Variants in NSD2 observed in about 807,000 individuals in gnomAD.
The protein encoded by NSD2 is histone-lysine N-methyltransferase NSD2.
Under a neutral mutation model 139.0 loss-of-function variants are expected in NSD2, and 12 were observed. The ratio of observed to expected loss-of-function variants is 0.09; its 90% CI spans 0.06 to 0.14. NSD2 has a LOEUF of 0.14. Among genes scored for constraint, NSD2 ranks in the 10% least tolerant of loss-of-function variants. The pLI, the probability that NSD2 is intolerant of heterozygous loss-of-function variation, is 1.00. For missense variants in NSD2, 1,155 were observed against 1,745.0 expected, an observed-to-expected ratio of 0.66 and a Z score of 6.02; for synonymous variants, 669 against 648.7, an observed-to-expected ratio of 1.03 and a Z score of -0.48.
intron 5 of NSD2, among the ~76,000 whole-genome samples, chr4:1,924,574 A>G (rs1168419993): frequency 1.3e-5 from 2 of 152,154 alleles, no homozygotes; most frequent in South Asian, 2.1e-4. Context: ...GATTGGCACT[A>G]TACTAAAAGT....
At chr4:1,878,423 AATT>A (rs1198894659) in intron 1 of NSD2, among the ~76,000 whole-genome samples, 1 of 151,552 alleles carries the variant, frequency 6.6e-6, no homozygotes, top group African/African-American at 2.4e-5. Context: ...AACTTTTTTT[AATT>A]ATTCTGTTGC....
At chr4:1,927,389 C>T (rs1200751983) in intron 5 of NSD2, among the ~76,000 whole-genome samples, 9 of 152,044 alleles carry the variant, frequency 5.9e-5, no homozygotes, top group Non-Finnish European at 4.4e-5. Context: ...AAACATTCTT[C>T]GCTGAATCCT....
In NSD2 at chr4:1,980,600, G is replaced by C. The variant is rs1727659971; in HGVS notation, c.*1691G>C. ...GTGGTTTTGTGACCTGTAAGCGTGG[G>C]GTTCAGGGGTGTGTGGCCCTGCAGG... On this transcript the variant is annotated 3_prime_UTR_variant, in exon 22 of 22. Transcript: ENST00000508803. 4.3e-6 allele frequency: 1 copy of C among 233,030 alleles called. No homozygotes were observed. Among genetic ancestry groups the C allele is most frequent in the South Asian group, 1.8e-4 (1 of 5,528 alleles). 14.4% of individuals were successfully genotyped at this position (233,030 alleles called of 1,614,324 possible).
Position 1,978,648 on chromosome 4 carries a change from A to T in NSD2, c.3837A>T (p.Glu1279Asp). The T allele has an allele frequency of 6.2e-7, 1 of 1,607,620 alleles. No individual in the cohort carries two copies. Among genetic ancestry groups the T allele is most frequent in the Non-Finnish European group, 8.5e-7 (1 of 1,175,026 alleles). The change falls in exon 22 of 22, where the codon GAA (glutamate) becomes GAT (aspartate). Residue 1279 changes from glutamate to aspartate, a missense_variant. Coordinates refer to ENST00000508803, the MANE Select transcript of NSD2 (RefSeq NM_001042424.3). Reference sequence around the variant, plus strand: ...TGTGTTCTGTTGCAGGGAAGTGGGAATGTCCTTGGCATCATTGTGACGTGT... The same window carrying T: ...TGTGTTCTGTTGCAGGGAAGTGGGATTGTCCTTGGCATCATTGTGACGTGT... ...GLGKRPFGKW[E>D]CPWHHCDVCG...
intron 18 of NSD2, among the ~76,000 whole-genome samples, chr4:1,967,506 A>AG (rs1236857973): frequency 2.0e-5 from 3 of 151,864 alleles, no homozygotes; most frequent in Non-Finnish European, 2.9e-5. Context: ...TGAACCTGGG[A>AG]GGCAGAGGTT....
chr4:1,911,235 G>T (rs1718617461), intron 3 of NSD2, among the ~76,000 whole-genome samples: 1 of 152,156 alleles, frequency 6.6e-6, no homozygotes, highest in Admixed American at 6.5e-5. Context: ...GGGGATGTAG[G>T]TGGGGAGGTC....
In NSD2 at chr4:1,982,005, G is replaced by C. The variant is rs1235992626; in HGVS notation, c.*3096G>C. On this transcript the variant is annotated 3_prime_UTR_variant, in exon 22 of 22. Transcript: ENST00000508803. The stretch of plus-strand genomic sequence containing the variant: ...ACAATGTAAGGTCAGATTCCTTTTA[G>C]GAATACTGGGTGCTGTCACCAGGTT... 2 of 398,326 alleles carry C rather than the reference G, an allele frequency of 5.0e-6. No individual in the cohort carries two copies. The highest frequency in any genetic ancestry group is 8.8e-6 in the Non-Finnish European group (2 of 226,012). The allele number at this position is 398,326 out of a possible 1,614,324, so 24.7% of individuals were successfully genotyped here.
intron 1 of NSD2, among the ~76,000 whole-genome samples, chr4:1,888,598 ACT>A (rs1468329915): frequency 6.6e-6 from 1 of 151,264 alleles, no homozygotes; most frequent in African/African-American, 2.4e-5. Context: ...ACTGAGTCTC[ACT>A]CTGTCACCCA....
intron 1 of NSD2, among the ~76,000 whole-genome samples, chr4:1,885,858 G>T (rs940117260): frequency 3.3e-5 from 5 of 152,112 alleles, no homozygotes; most frequent in African/African-American, 1.2e-4. Flanking sequence ...GAAAAACTGA[G>T]TTGTGTGAGT....
chr4:1,959,548 A>G lies in NSD2; in HGVS notation c.3063A>G (p.Thr1021=). 6.2e-7 allele frequency: 1 copy of G among 1,614,256 alleles called. No individual in the cohort carries two copies. The highest frequency in any genetic ancestry group is 8.5e-7 in the Non-Finnish European group (1 of 1,180,048). The change falls in exon 17 of 22, where the codon ACA becomes ACG. Residue 1021 remains threonine (T), a synonymous_variant. Coordinates refer to ENST00000508803, the MANE Select transcript of NSD2 (RefSeq NM_001042424.3). The stretch of plus-strand genomic sequence containing the variant: ...TCCCTAAGTGCAACTGCAAGCCCAC[A>G]GATGAGAATCCTTGTGGCTTTGATT... ...SEIPKCNCKP[T]DENPCGFDSE...
At chr4:1,886,733 GA>G (rs1234114088) in intron 1 of NSD2, among the ~76,000 whole-genome samples, 1 of 152,006 alleles carries the variant, frequency 6.6e-6, no homozygotes, top group East Asian at 1.9e-4. Context: ...AGCTACTCAG[GA>G]GGCTGAGGCA....
chr4:1,967,520 G>A (rs1446835489), intron 18 of NSD2, among the ~76,000 whole-genome samples: 1 of 152,002 alleles, frequency 6.6e-6, no homozygotes, highest in Non-Finnish European at 1.5e-5. Flanking sequence ...AGAGGTTTCA[G>A]TGAGCCGAGA....
chr4:1,942,738 T>C lies in NSD2; in HGVS notation c.1881+2960T>C. On this transcript the variant is annotated intron_variant, in intron 9 of 21. Transcript: ENST00000508803. This position sits in a 1 kb window ranked among gnomAD's most constrained non-coding sequence, Gnocchi z 4.0. ...GAAGGGGTGGCCCTGTTAGAGTTGCTTCTCCTCTAGTTTGTAACTTACTGG... is the reference window on the plus strand; with the variant it reads ...GAAGGGGTGGCCCTGTTAGAGTTGCCTCTCCTCTAGTTTGTAACTTACTGG... 2.8e-5 allele frequency: 31 copies of C among 1,095,016 alleles called. No individual in the cohort carries two copies. The highest frequency in any genetic ancestry group is 3.5e-5 in the Non-Finnish European group (31 of 896,858). The allele number at this position is 1,095,016 out of a possible 1,614,324, so 67.8% of individuals were successfully genotyped here.
At chr4:1,969,384 A>G in intron 18 of NSD2, among the ~76,000 whole-genome samples, 1 of 152,178 alleles carries the variant, frequency 6.6e-6, no homozygotes, top group East Asian at 1.9e-4. Context: ...CGACTTCTTC[A>G]GAAAACAATG....
intron 7 of NSD2, 55 bp from the exon 8 acceptor site, chr4:1,938,396 C>CT (rs1191163534): frequency 5.7e-5 from 57 of 992,136 alleles, no homozygotes; most frequent in South Asian, 3.2e-4. Context: ...TCCTTTTTTT[C>CT]TTTTCTTTTT....
At chr4:1,924,001 C>A (rs1720519668) in intron 5 of NSD2, among the ~76,000 whole-genome samples, 1 of 152,184 alleles carries the variant, frequency 6.6e-6, no homozygotes, top group Non-Finnish European at 1.5e-5. Flanking sequence ...GTGCCTCTCT[C>A]CAGGAGCCAA....
At chr4:1,962,958 T>C (rs1016836820) in intron 18 of NSD2, among the ~76,000 whole-genome samples, 1 of 152,144 alleles carries the variant, frequency 6.6e-6, no homozygotes, top group Non-Finnish European at 1.5e-5. Flanking sequence ...AGCAGCACAT[T>C]CCTCTCAGGG....
Position 1,901,093 on chromosome 4 carries a change from A to C in NSD2, c.439A>C (p.Ser147Arg). ...PLFESSICGD[S>R]AADVSQSEEN... ...CTTTGAATCTTCCATTTGTGGTGAC[A>C]GTGCTGCTGATGTGTCTCAGTCAGA... The change falls in exon 2 of 22, where the codon AGT (serine) becomes CGT (arginine). Residue 147 changes from serine to arginine, a missense_variant. Coordinates refer to ENST00000508803, the MANE Select transcript of NSD2 (RefSeq NM_001042424.3). 2 of 1,614,244 alleles carry C rather than the reference A, an allele frequency of 1.2e-6. No individual in the cohort carries two copies. The highest frequency in any genetic ancestry group is 1.7e-6 in the Non-Finnish European group (2 of 1,180,046).
chr4:1,978,958 C>G lies in NSD2; in HGVS notation c.*49C>G. On this transcript the variant is annotated 3_prime_UTR_variant, in exon 22 of 22. Coordinates refer to ENST00000508803, the MANE Select transcript of NSD2 (RefSeq NM_001042424.3). The stretch of plus-strand genomic sequence containing the variant: ...TCCAGGGGCGGTGCAGGGCGGCCGG[C>G]CCTGCCTGCGGGAGAGGGCGAGCAT... The G allele has an allele frequency of 6.9e-7, 1 of 1,446,864 alleles. No individual in the cohort carries two copies. Among genetic ancestry groups the G allele is most frequent in the Non-Finnish European group, 9.1e-7 (1 of 1,097,806 alleles). The allele number at this position is 1,446,864 out of a possible 1,614,324, so 89.6% of individuals were successfully genotyped here. A position where few individuals can be genotyped will look rare whatever the true frequency, so the allele number is the denominator to read the frequency against.
Sources: gnomAD v4.1 joint callset for allele counts (sites outside exome capture counted in the v4.1 genomes callset) on GRCh38, gnomAD v4.1.1 for gene constraint, Gnocchi (gnomAD v3.1) non-coding constraint, MANE v1.5 for transcripts, NCBI Gene and HGNC (gene_info 2026-07-23, HGNC 2026-07-21) for gene names.